TBC1D22B: variants seen among roughly 807,000 people sequenced by gnomAD.
TBC1D22B encodes chromosome 6 open reading frame 197.
Under a neutral mutation model 69.1 loss-of-function variants are expected in TBC1D22B, and 32 were observed. The ratio of observed to expected loss-of-function variants is 0.46; its 90% CI spans 0.35 to 0.62. The LOEUF (loss-of-function observed/expected upper bound fraction) is 0.62, where lower values mean the gene tolerates loss of function less well. Among genes scored for constraint, TBC1D22B ranks in the 20% least tolerant of loss-of-function variants. The probability of loss-of-function intolerance (pLI) is 0.00; values close to 1 mark genes in which losing one functional copy is unlikely to be tolerated. For missense variants in TBC1D22B, 462 were observed against 630.9 expected, an observed-to-expected ratio of 0.73 and a Z score of 2.87; for synonymous variants, 206 against 229.8, an observed-to-expected ratio of 0.90 and a Z score of 0.94.
chr6:37,327,477 C>CAAAAAAAAA (rs56160547), intron 12 of TBC1D22B, among the ~76,000 whole-genome samples: 1 of 52,052 alleles, frequency 1.9e-5, no homozygotes, highest in Non-Finnish European at 3.2e-5. Flanking sequence ...GACTCCGACT[C>CAAAAAAAAA]AAAAAAAAAA....
chr6:37,268,628 TTC>T (rs1373610356), intron 1 of TBC1D22B, among the ~76,000 whole-genome samples: 6 of 152,168 alleles, frequency 3.9e-5, no homozygotes, highest in African/African-American at 1.4e-4. Context: ...CCCCAGAAAC[TTC>T]TGTGTCTATT....
intron 10 of TBC1D22B, among the ~76,000 whole-genome samples, chr6:37,315,798 G>A (rs578107716): frequency 5.9e-5 from 9 of 152,090 alleles, no homozygotes; most frequent in South Asian, 2.1e-4. Context: ...CTGGTCTTGA[G>A]CTCCTGGGCT....
In TBC1D22B at chr6:37,274,431, T is replaced by G. The variant is rs570766534; in HGVS notation, c.113+4781T>G. Among the ~76,000 whole-genome samples, 16 of 152,374 alleles carry G rather than the reference T, an allele frequency of 1.1e-4. No homozygotes were observed. In the South Asian group the frequency reaches 2.9e-3, roughly 28 times the overall value. ...TTAGGTGTTTGTGTTACTAAGGTAC[T>G]CATCACCAAACACTTTACCAAGTCA... On this transcript the variant is annotated intron_variant, in intron 2 of 12. Transcript: ENST00000373491.
intron 1 of TBC1D22B, among the ~76,000 whole-genome samples, chr6:37,266,116 A>C (rs1258857969): frequency 6.6e-6 from 1 of 152,212 alleles, no homozygotes; most frequent in East Asian, 1.9e-4. Flanking sequence ...GGCTTTCAAC[A>C]TATCGTCCCA....
intron 8 of TBC1D22B, among the ~76,000 whole-genome samples, chr6:37,311,286 A>G (rs1264213320): frequency 2.0e-5 from 3 of 151,972 alleles, no homozygotes; most frequent in Non-Finnish European, 1.5e-5. Flanking sequence ...TGTTCATTTA[A>G]AAATGTCTCT....
At chr6:37,304,704 T>G (rs558806851) in intron 8 of TBC1D22B, among the ~76,000 whole-genome samples, 1 of 152,296 alleles carries the variant, frequency 6.6e-6, no homozygotes, top group South Asian at 2.1e-4. Context: ...GCATTTTTTT[T>G]TTAAACCATA....
chr6:37,268,156 A>T (rs1444826228), intron 1 of TBC1D22B, among the ~76,000 whole-genome samples: 1 of 152,166 alleles, frequency 6.6e-6, no homozygotes, highest in Non-Finnish European at 1.5e-5. Flanking sequence ...GTTGAAAAGT[A>T]GTTTTTTTTC....
intron 2 of TBC1D22B, among the ~76,000 whole-genome samples, chr6:37,271,703 C>T (rs1052289606): frequency 1.3e-5 from 2 of 152,196 alleles, no homozygotes; most frequent in Admixed American, 1.3e-4. Context: ...AGTATTTAAA[C>T]ATTTAAAAAA....
chr6:37,285,924 C>A (rs1275636667), intron 6 of TBC1D22B, among the ~76,000 whole-genome samples: 1 of 152,164 alleles, frequency 6.6e-6, no homozygotes, highest in African/African-American at 2.4e-5. Flanking sequence ...CCTGGCCCTT[C>A]CCCGCTTCTT....
chr6:37,296,658 C>T (rs73421942), intron 8 of TBC1D22B, among the ~76,000 whole-genome samples: 4,829 of 151,922 alleles, frequency 0.032, 239 homozygotes, highest in African/African-American at 0.11. Flanking sequence ...CCTAGTCTTA[C>T]CACCTCTCTC....
chr6:37,294,479 C>T (rs765896452), intron 8 of TBC1D22B, among the ~76,000 whole-genome samples: 7 of 152,124 alleles, frequency 4.6e-5, no homozygotes, highest in African/African-American at 1.7e-4. Flanking sequence ...GCCAGCCTGC[C>T]ATCTAGGACT....
chr6:37,297,098 A>T (rs1767407272), intron 8 of TBC1D22B, among the ~76,000 whole-genome samples: 1 of 152,212 alleles, frequency 6.6e-6, no homozygotes, highest in African/African-American at 2.4e-5. Context: ...AAGTGCTGGG[A>T]TTACAGGCGT....
At chr6:37,274,419 T>C (rs560945892) in intron 2 of TBC1D22B, among the ~76,000 whole-genome samples, 3 of 152,370 alleles carry the variant, frequency 2.0e-5, no homozygotes, top group African/African-American at 7.2e-5. Context: ...GGTGTTTGTG[T>C]TACTAAGGTA....
At chr6:37,265,549 G>A (rs1203077768) in intron 1 of TBC1D22B, among the ~76,000 whole-genome samples, 4 of 149,062 alleles carry the variant, frequency 2.7e-5, no homozygotes, top group Admixed American at 6.7e-5. Flanking sequence ...TTTTTTTCCC[G>A]TGGTCAGTGG....
intron 9 of TBC1D22B, among the ~76,000 whole-genome samples, chr6:37,313,387 G>A (rs1349488193): frequency 6.6e-6 from 1 of 151,990 alleles, no homozygotes; most frequent in African/African-American, 2.4e-5. Flanking sequence ...GTCCTCAGTG[G>A]GCTAAGGTGG....
chr6:37,313,880 G>A lies in TBC1D22B; in HGVS notation c.1154G>A (p.Ser385Asn), dbSNP rs767902245. Residue 385 changes from serine (S) to asparagine (N), a missense_variant, in exon 10 of 13, where the codon AGC (serine) becomes AAC (asparagine). Transcript: ENST00000373491. ...KKVKALEELV[S>N]RIDEQVHNHF... ...GTGAAGGCACTGGAAGAGCTTGTCA[G>A]CCGGATTGATGGTAGGTTCAGAGGG... is the stretch of plus-strand genomic sequence containing the variant. 9.3e-6 allele frequency: 15 copies of A among 1,614,052 alleles called. No individual in the cohort carries two copies. The Admixed American group carries it at 1.8e-4, about 20-fold the overall frequency.
Position 37,284,333 on chromosome 6 carries a change from T to C in TBC1D22B, c.673-3T>C, listed in dbSNP as rs1231527098. 1 of 1,614,184 alleles carries C rather than the reference T, an allele frequency of 6.2e-7. No homozygotes were observed. ...CCCATCTGACCAGCAGTCTTGTCTA[T>C]AGGGCTATCTCCCAGCAAACACTGA... On this transcript the variant is annotated splice_polypyrimidine_tract_variant and splice_region_variant and intron_variant, in intron 5 of 12. Transcript: ENST00000373491.
intron 1 of TBC1D22B, 60 bp downstream of exon 1, chr6:37,258,033 C>A: frequency 6.3e-7 from 1 of 1,575,860 alleles, no homozygotes; most frequent in East Asian, 2.3e-5. Context: ...GATCCTAATC[C>A]CTGAATCCCG....
chr6:37,303,894 T>C (rs1042851651), intron 8 of TBC1D22B, among the ~76,000 whole-genome samples: 2 of 152,180 alleles, frequency 1.3e-5, no homozygotes, highest in African/African-American at 2.4e-5. Flanking sequence ...CCTCGCTAGT[T>C]GTTTGTGTTT....
Sources: allele counts gnomAD v4.1 joint callset (sites outside exome capture counted in the v4.1 genomes callset), GRCh38; gene constraint gnomAD v4.1.1; transcripts MANE v1.5; gene names NCBI Gene and HGNC (gene_info 2026-07-23, HGNC 2026-07-21).